ACOXL: variants seen among roughly 807,000 people sequenced by gnomAD.
ACOXL encodes acyl-CoA oxidase like.
Under a neutral mutation model 71.9 loss-of-function variants are expected in ACOXL, and 70 were observed. That is an observed-to-expected ratio of 0.97 (90% CI 0.80 to 1.19). The LOEUF (loss-of-function observed/expected upper bound fraction) is 1.19. Ranked by LOEUF, ACOXL falls within the 50% of genes most tolerant of loss-of-function variation. The probability of loss-of-function intolerance (pLI) is 0.00; values close to 1 mark genes in which losing one functional copy is unlikely to be tolerated. For synonymous variants in ACOXL, 253 were observed against 281.6 expected, an observed-to-expected ratio of 0.90 and a Z score of 1.02; for missense variants, 703 against 736.3, an observed-to-expected ratio of 0.95 and a Z score of 0.52.
At chr2:110,744,323 G>A (rs551896153) in intron 1 of ACOXL, among the ~76,000 whole-genome samples, 3 of 152,284 alleles carry the variant, frequency 2.0e-5, no homozygotes, top group East Asian at 1.9e-4. Flanking sequence ...GACTATTAAA[G>A]GTGGCAGTAA....
chr2:110,809,136 A>T (rs992757874), intron 9 of ACOXL, among the ~76,000 whole-genome samples: 1 of 152,212 alleles, frequency 6.6e-6, no homozygotes, highest in Non-Finnish European at 1.5e-5. Flanking sequence ...TGCCTCTTTG[A>T]TCTAACTCCA....
intron 11 of ACOXL, among the ~76,000 whole-genome samples, chr2:110,927,796 C>T (rs1317970575): frequency 6.6e-6 from 1 of 152,214 alleles, no homozygotes; most frequent in Non-Finnish European, 1.5e-5. Context: ...TGTGTAACTA[C>T]ATCACACCTG....
At chr2:110,958,129 A>G (rs1025188611) in intron 12 of ACOXL, among the ~76,000 whole-genome samples, 1 of 151,996 alleles carries the variant, frequency 6.6e-6, no homozygotes, top group Admixed American at 6.6e-5. Context: ...GCGCATGCAT[A>G]CACACGCACA....
At chr2:110,861,396 C>T (rs536019188) in intron 10 of ACOXL, among the ~76,000 whole-genome samples, 1 of 152,164 alleles carries the variant, frequency 6.6e-6, no homozygotes, top group African/African-American at 2.4e-5. Context: ...ATGCATATGG[C>T]TTTTCCCGGT....
intron 9 of ACOXL, among the ~76,000 whole-genome samples, chr2:110,807,595 C>T (rs545175494): frequency 4.6e-5 from 7 of 152,178 alleles, no homozygotes; most frequent in Non-Finnish European, 7.3e-5. Context: ...CCTGCCTATC[C>T]AGACCTTGCC....
intron 5 of ACOXL, among the ~76,000 whole-genome samples, chr2:110,795,247 A>G (rs1685152918): frequency 6.6e-6 from 1 of 152,182 alleles, no homozygotes; most frequent in Non-Finnish European, 1.5e-5. Flanking sequence ...GAGGTGGCCA[A>G]TGTCTGGAAT....
chr2:110,759,669 C>T (rs912817591), intron 1 of ACOXL, among the ~76,000 whole-genome samples: 15 of 152,138 alleles, frequency 9.9e-5, no homozygotes, highest in South Asian at 2.1e-4. Context: ...AAAGATCATA[C>T]TTCCATGGGT....
At chr2:110,798,158 G>A (rs966064570) in intron 5 of ACOXL, among the ~76,000 whole-genome samples, 1 of 152,100 alleles carries the variant, frequency 6.6e-6, no homozygotes. Flanking sequence ...GTTTCAAGAC[G>A]TGGAGCCAGG....
At chr2:110,878,293 A>G (rs1696177439) in intron 10 of ACOXL, among the ~76,000 whole-genome samples, 1 of 152,254 alleles carries the variant, frequency 6.6e-6, no homozygotes, top group Non-Finnish European at 1.5e-5. Flanking sequence ...TGAACTCAAA[A>G]GAGAGATTAA....
At chr2:110,781,590 C>T (rs747366692) in intron 2 of ACOXL, among the ~76,000 whole-genome samples, 88 of 150,878 alleles carry the variant, frequency 5.8e-4, no homozygotes, top group Non-Finnish European at 4.9e-4. Context: ...TGCAGTGAGC[C>T]GAGATCGCAC....
In ACOXL at chr2:111,078,369, A is replaced by G. The variant is rs138341925; in HGVS notation, c.1441-14496A>G. Among the ~76,000 whole-genome samples the G allele has an allele frequency of 2.2e-3, 334 of 151,964 alleles. 1 individual carries two copies. Among genetic ancestry groups the G allele is most frequent in the Non-Finnish European group, 1.6e-3 (111 of 67,954 alleles). On this transcript the variant is annotated intron_variant, in intron 16 of 17. Coordinates refer to ENST00000439055, the MANE Select transcript of ACOXL (RefSeq NM_001142807.4). ...AACCTCTGCCTCCCATATTCAAGCA[A>G]TCTCATGCCTCAGCCTCCCAAGTAG... is the stretch of plus-strand genomic sequence containing the variant.
chr2:110,923,831 G>A (rs1459845615), intron 11 of ACOXL, among the ~76,000 whole-genome samples: 1 of 152,112 alleles, frequency 6.6e-6, no homozygotes, highest in Admixed American at 6.5e-5. Context: ...AGCTACTCGG[G>A]AGGCTGAGGC....
intron 9 of ACOXL, among the ~76,000 whole-genome samples, chr2:110,840,874 A>G (rs889341725): frequency 1.3e-5 from 2 of 152,176 alleles, no homozygotes; most frequent in Non-Finnish European, 2.9e-5. Context: ...GATGATCCGC[A>G]TAGGGAGACT....
chr2:110,836,838 G>A (rs1301154832), intron 9 of ACOXL, among the ~76,000 whole-genome samples: 1 of 152,250 alleles, frequency 6.6e-6, no homozygotes, highest in Admixed American at 6.5e-5. Context: ...TCGCCTATGC[G>A]TAGATTCAGA....
At chr2:110,734,806 AGGAAAGGCATGC>A in intron 1 of ACOXL, among the ~76,000 whole-genome samples, 2 of 152,112 alleles carry the variant, frequency 1.3e-5, no homozygotes, top group Non-Finnish European at 2.9e-5. Context: ...ATAGGGACAG[AGGAAAGGCATGC>A]CTGGATAAGG....
At chr2:110,872,354 G>A (rs1810228) in intron 10 of ACOXL, among the ~76,000 whole-genome samples, 1,611 of 152,296 alleles carry the variant, frequency 0.011, 29 homozygotes, top group African/African-American at 0.037. Context: ...CCAGAAATTT[G>A]TGGCTCCCTT....
chr2:110,943,463 A>G (rs562973564), intron 12 of ACOXL, among the ~76,000 whole-genome samples: 33 of 152,224 alleles, frequency 2.2e-4, no homozygotes, highest in African/African-American at 7.7e-4. Context: ...CCACGGTGAT[A>G]TGGTGAAGCT....
At chr2:110,851,716 G>A (rs1225953516) in intron 10 of ACOXL, among the ~76,000 whole-genome samples, 4 of 152,202 alleles carry the variant, frequency 2.6e-5, no homozygotes, top group East Asian at 3.9e-4. Context: ...CCCTCAGGGC[G>A]CTGGGATGAC....
chr2:110,757,628 G>A (rs998543782), intron 1 of ACOXL, among the ~76,000 whole-genome samples: 3 of 151,992 alleles, frequency 2.0e-5, no homozygotes, highest in African/African-American at 2.4e-5. Flanking sequence ...TGGTTTTGAC[G>A]TGCATTTCTC....
Sources: gnomAD v4.1 joint callset for allele counts (sites outside exome capture counted in the v4.1 genomes callset) on GRCh38, gnomAD v4.1.1 for gene constraint, MANE v1.5 for transcripts, NCBI Gene and HGNC (gene_info 2026-07-23, HGNC 2026-07-21) for gene names.